RAD54B: variants seen among roughly 807,000 people sequenced by gnomAD.
RAD54B encodes the protein RAD54 homolog B.
In RAD54B, 78 loss-of-function variants were observed where a neutral mutation model predicts 95.8. The ratio of observed to expected loss-of-function variants is 0.81; its 90% confidence interval spans 0.68 to 0.98. The LOEUF (loss-of-function observed/expected upper bound fraction) is 0.98. RAD54B is among the 50% of genes least tolerant of loss of function. The pLI is 0.00. For synonymous variants in RAD54B, 328 were observed against 354.9 expected (o/e 0.92, Z 0.85); for missense variants, 957 against 1,056.6 (o/e 0.91, Z 1.31).
intron 1 of RAD54B, among the ~76,000 whole-genome samples, chr8:94,470,520 G>C (rs112669991): frequency 2.0e-5 from 3 of 150,990 alleles, no homozygotes; most frequent in Non-Finnish European, 4.4e-5. Context: ...ACTTGAACCC[G>C]GGAGGCAGAG....
chr8:94,472,369 C>T (rs148116651), intron 1 of RAD54B, among the ~76,000 whole-genome samples: 26 of 152,222 alleles, frequency 1.7e-4, no homozygotes, highest in Middle Eastern at 6.8e-3. Flanking sequence ...TGTCACAGGA[C>T]GACATGGATG....
chr8:94,402,680 C>T (rs1433377726), intron 6 of RAD54B, among the ~76,000 whole-genome samples: 2 of 152,124 alleles, frequency 1.3e-5, no homozygotes, highest in Non-Finnish European at 2.9e-5. Flanking sequence ...AAACACTGTT[C>T]TAAGTTCTGA....
chr8:94,433,710 T>A (rs952087859), intron 3 of RAD54B, among the ~76,000 whole-genome samples: 1 of 151,926 alleles, frequency 6.6e-6, no homozygotes, highest in African/African-American at 2.4e-5. Flanking sequence ...TTGTTTTTTT[T>A]AATTTATGCT....
Position 94,407,605 on chromosome 8 carries a change from G to A in RAD54B, c.615C>T (p.Gly205=). 1 of 1,613,966 alleles carries A rather than the reference G, an allele frequency of 6.2e-7. No individual in the cohort carries two copies. The highest frequency in any genetic ancestry group is 8.5e-7 in the Non-Finnish European group (1 of 1,179,934). The part of the protein sequence containing the change: ...GVISPDDFSS[G]RCFQLGGGST... Reference sequence around the variant, plus strand: ...TTCCTCCTCCAAGCTGAAAACACCTGCCACTGCTGAAGTCATCTGGAGAGA... The same window carrying A: ...TTCCTCCTCCAAGCTGAAAACACCTACCACTGCTGAAGTCATCTGGAGAGA... Residue 205 remains glycine (G), a synonymous_variant, in exon 5 of 15, where the codon GGC becomes GGT. Transcript: ENST00000336148.
intron 5 of RAD54B, among the ~76,000 whole-genome samples, chr8:94,406,351 AAAAGT>A (rs1263321489): frequency 1.3e-5 from 2 of 152,166 alleles, no homozygotes; most frequent in African/African-American, 4.8e-5. Context: ...GTGTAATAGT[AAAAGT>A]ACAAAGAGAA....
At chr8:94,441,272 A>T (rs1812390620) in intron 3 of RAD54B, among the ~76,000 whole-genome samples, 1 of 151,936 alleles carries the variant, frequency 6.6e-6, no homozygotes, top group African/African-American at 2.4e-5. Flanking sequence ...TCCTTCTACA[A>T]CTCGGTGTCT....
chr8:94,415,429 G>T (rs1811638925), intron 3 of RAD54B, among the ~76,000 whole-genome samples: 1 of 150,850 alleles, frequency 6.6e-6, no homozygotes. Flanking sequence ...AGAAAACCTA[G>T]GCATTACCAT....
Position 94,380,299 on chromosome 8 carries a change from T to G in RAD54B, c.2093A>C (p.Gln698Pro). ...AAAGCCATCAACAATCTGCTGCCTT[T>G]GAGAGATTGGTGTTTGTCCATCAAG... Reference protein sequence around the residue: ...TRLDGQTPISQRQQIVDGFNS... With the variant: ...TRLDGQTPISPRQQIVDGFNS... The change falls in exon 12 of 15, where the codon CAA becomes CCA. Residue 698 changes from glutamine to proline, a missense_variant. Coordinates refer to ENST00000336148, the MANE Select transcript of RAD54B (RefSeq NM_012415.3). 1.2e-6 allele frequency: 2 copies of G among 1,614,114 alleles called. No individual in the cohort carries two copies. Among genetic ancestry groups the G allele is most frequent in the South Asian group, 2.2e-5 (2 of 91,074 alleles).
At chr8:94,394,385 G>A (rs76879904) in intron 8 of RAD54B, among the ~76,000 whole-genome samples, 6,833 of 148,558 alleles carry the variant, frequency 0.046, 218 homozygotes, top group Non-Finnish European at 0.067. Flanking sequence ...TGGACAAACT[G>A]CTTAAGTCCT....
At position 94,394,203 on chromosome 8, in the gene RAD54B, A is replaced by C. The variant is rs28595703; in HGVS notation, c.1379-321T>G. On this transcript the variant is annotated intron_variant, in intron 8 of 14. Coordinates refer to ENST00000336148, the MANE Select transcript of RAD54B (RefSeq NM_012415.3). The stretch of plus-strand genomic sequence containing the variant: ...ATCACTTACTCCCTGAGTGACCCTG[A>C]GAAAGTTATTTACACCAGTTTATTT... Among the ~76,000 whole-genome samples, 20,472 of 152,154 alleles carry C rather than the reference A, an allele frequency of 0.13. 1,975 individuals are homozygous for C. Among genetic ancestry groups the C allele is most frequent in the African/African-American group, 0.26 (10,956 of 41,470 alleles).
chr8:94,391,935 T>G (rs1488540225), intron 9 of RAD54B, 36 bp from the exon 10 acceptor site: 1 of 1,508,402 alleles, frequency 6.6e-7, no homozygotes, highest in East Asian at 2.3e-5. Flanking sequence ...GAAAGTGTTA[T>G]AGACAAAAAT....
intron 1 of RAD54B, among the ~76,000 whole-genome samples, chr8:94,469,322 G>A (rs1420589036): frequency 2.0e-5 from 3 of 152,134 alleles, no homozygotes; most frequent in Admixed American, 2.0e-4. Flanking sequence ...AGATCCGATG[G>A]TTTTATACAT....
chr8:94,409,198 A>C (rs1407761749), intron 4 of RAD54B, among the ~76,000 whole-genome samples: 2 of 152,090 alleles, frequency 1.3e-5, no homozygotes, highest in African/African-American at 4.8e-5. Context: ...AATTAACTTC[A>C]GGTTAATACA....
chr8:94,467,270 AG>A (rs1586044216), intron 2 of RAD54B, 134 bp downstream of exon 2: 1 of 776,952 alleles, frequency 1.3e-6, no homozygotes, highest in East Asian at 2.8e-5. Flanking sequence ...TTCATTTCCA[AG>A]GTTTTTAGAA....
chr8:94,372,963 TACAA>T (rs1333937108), intron 14 of RAD54B: 1 of 152,364 alleles, frequency 6.6e-6, no homozygotes, highest in Non-Finnish European at 1.5e-5. Context: ...GGAGCTGAAT[TACAA>T]ACAGAGGTAA....
chr8:94,412,171 G>A (rs1048863278), intron 3 of RAD54B, among the ~76,000 whole-genome samples: 12 of 152,024 alleles, frequency 7.9e-5, no homozygotes, highest in African/African-American at 2.2e-4. Context: ...AATGTCCTCC[G>A]GGTTTACCCA....
chr8:94,443,985 A>C (rs1230930889), intron 3 of RAD54B, among the ~76,000 whole-genome samples: 1 of 152,150 alleles, frequency 6.6e-6, no homozygotes, highest in Admixed American at 6.5e-5. Context: ...ATACAAGTTT[A>C]CCAATTTTTT....
At chr8:94,391,587 G>A (rs750642052) in intron 10 of RAD54B, 22 bp downstream of exon 10, 1 of 1,603,648 alleles carries the variant, frequency 6.2e-7, no homozygotes, top group Non-Finnish European at 8.5e-7. Flanking sequence ...CCCTGACACA[G>A]TTTCAGATAC....
In RAD54B at chr8:94,387,071, G is replaced by C. The variant is rs1810906097; in HGVS notation, c.1898C>G (p.Pro633Arg). The change falls in exon 11 of 15, where the codon CCT becomes CGT. Residue 633 changes from proline (P) to arginine (R), a missense_variant. Transcript: ENST00000336148. ...LLSVFPADYNPLLFTEKESGK... is the reference protein window; with the variant it reads ...LLSVFPADYNRLLFTEKESGK... ...TGACTCCTTTTCAGTAAACAGGAGA[G>C]GGTTGTAGTCAGCAGGAAACACACT... is the stretch of plus-strand genomic sequence containing the variant. 6.2e-7 allele frequency: 1 copy of C among 1,613,464 alleles called. No homozygotes were observed. The highest frequency in any genetic ancestry group is 1.1e-5 in the South Asian group (1 of 91,024).
Sources: allele counts gnomAD v4.1 joint callset (sites outside exome capture counted in the v4.1 genomes callset), GRCh38; gene constraint gnomAD v4.1.1; transcripts MANE v1.5; gene names NCBI Gene and HGNC (gene_info 2026-07-23, HGNC 2026-07-21).